The following SORCS1 variants were observed in gnomAD, a reference collection of about 807,000 sequenced individuals.
SORCS1 encodes the protein VPS10 domain-containing receptor SorCS1.
In SORCS1, 60 loss-of-function variants were observed where a neutral mutation model predicts 146.1. The ratio of observed to expected loss-of-function variants is 0.41; its 90% confidence interval spans 0.33 to 0.51. SORCS1 has a LOEUF of 0.51. SORCS1 is among the 20% of genes least tolerant of loss of function. The pLI, the probability that SORCS1 is intolerant of heterozygous loss-of-function variation, is 0.21. For missense variants in SORCS1, 1,352 were observed against 1,487.6 expected, an observed-to-expected ratio of 0.91 and a Z score of 1.50; for synonymous variants, 637 against 584.0, an observed-to-expected ratio of 1.09 and a Z score of -1.31.
intron 2 of SORCS1, among the ~76,000 whole-genome samples, chr10:106,926,898 G>T (rs1027756309): frequency 7.0e-6 from 1 of 143,040 alleles, no homozygotes; most frequent in Non-Finnish European, 1.5e-5. Flanking sequence ...GAGAGAGAGA[G>T]AATGACAAAT....
intron 2 of SORCS1, among the ~76,000 whole-genome samples, chr10:106,830,537 C>T (rs1052938533): frequency 2.0e-5 from 3 of 151,164 alleles, no homozygotes; most frequent in African/African-American, 7.3e-5. Context: ...TCGCCTAGGC[C>T]CCATGTTGCT....
intron 3 of SORCS1, among the ~76,000 whole-genome samples, chr10:106,810,943 C>CT (rs879573301): frequency 0.041 from 5,833 of 141,338 alleles, 297 homozygotes; most frequent in African/African-American, 0.11. Context: ...GGTATAATTT[C>CT]TTTTTTTTTT....
chr10:107,143,214 T>G (rs150291717), intron 1 of SORCS1, among the ~76,000 whole-genome samples: 106 of 152,364 alleles, frequency 7.0e-4, no homozygotes, highest in African/African-American at 2.5e-3. Flanking sequence ...CTCCCTTTTT[T>G]CTATGTTTCA....
chr10:106,612,345 C>A (rs1250915233), intron 21 of SORCS1, among the ~76,000 whole-genome samples: 4 of 118,994 alleles, frequency 3.4e-5, no homozygotes, highest in Non-Finnish European at 6.9e-5. Context: ...GGCCCCCCTT[C>A]CCCCCTTCTC....
chr10:106,721,150 A>C (rs1214635398), intron 6 of SORCS1, among the ~76,000 whole-genome samples: 1 of 151,974 alleles, frequency 6.6e-6, no homozygotes, highest in Admixed American at 6.6e-5. Context: ...GATAGAAGAG[A>C]GGTGAGAATG....
intron 2 of SORCS1, among the ~76,000 whole-genome samples, chr10:106,836,889 T>C (rs1276384987): frequency 1.3e-5 from 2 of 152,166 alleles, no homozygotes; most frequent in Admixed American, 1.3e-4. Context: ...GATGCCTCAT[T>C]AAGATTAGCA....
intron 18 of SORCS1, among the ~76,000 whole-genome samples, chr10:106,644,109 C>A (rs1366225530): frequency 6.6e-6 from 1 of 151,924 alleles, no homozygotes; most frequent in Non-Finnish European, 1.5e-5. Context: ...TTTTTTTGCC[C>A]AAATACCTAG....
At chr10:106,944,037 A>G (rs191921865) in intron 2 of SORCS1, among the ~76,000 whole-genome samples, 2 of 151,332 alleles carry the variant, frequency 1.3e-5, no homozygotes, top group East Asian at 3.9e-4. Context: ...TCACCCCCAC[A>G]CTCTATATGT....
intron 1 of SORCS1, among the ~76,000 whole-genome samples, chr10:107,052,343 G>A (rs1325559440): frequency 6.6e-6 from 1 of 152,096 alleles, no homozygotes; most frequent in Non-Finnish European, 1.5e-5. Flanking sequence ...TGCATCTCAG[G>A]TAACTGAACC....
chr10:106,824,832 T>C (rs923523269), intron 3 of SORCS1, among the ~76,000 whole-genome samples: 2 of 152,146 alleles, frequency 1.3e-5, no homozygotes, highest in Non-Finnish European at 2.9e-5. Flanking sequence ...GGGTCCTCTT[T>C]ATAGAATGAA....
chr10:106,759,688 C>T (rs571457483), intron 5 of SORCS1, among the ~76,000 whole-genome samples: 1 of 152,266 alleles, frequency 6.6e-6, no homozygotes, highest in Non-Finnish European at 1.5e-5. Flanking sequence ...GGGGGATGAA[C>T]TGAGGCAGTT....
At chr10:107,010,950 T>C (rs569644299) in intron 1 of SORCS1, among the ~76,000 whole-genome samples, 1 of 152,138 alleles carries the variant, frequency 6.6e-6, no homozygotes, top group East Asian at 1.9e-4. Flanking sequence ...CACCAGAAAA[T>C]GCATAAGTCA....
At chr10:106,583,979 G>A (rs547731562) in intron 24 of SORCS1, among the ~76,000 whole-genome samples, 4 of 152,236 alleles carry the variant, frequency 2.6e-5, no homozygotes, top group Admixed American at 6.5e-5. Context: ...CTATGACCCC[G>A]AAACTTTCAA....
intron 1 of SORCS1, among the ~76,000 whole-genome samples, chr10:107,001,030 T>C (rs1017959070): frequency 6.6e-6 from 1 of 152,194 alleles, no homozygotes; most frequent in African/African-American, 2.4e-5. Flanking sequence ...TAAAAATGTT[T>C]TCCTAATGAC....
intron 1 of SORCS1, among the ~76,000 whole-genome samples, chr10:107,010,470 C>A (rs1429158273): frequency 6.6e-6 from 1 of 152,074 alleles, no homozygotes; most frequent in African/African-American, 2.4e-5. Context: ...TGAGTTCTTC[C>A]ATTTTATGGA....
intron 1 of SORCS1, among the ~76,000 whole-genome samples, chr10:107,107,196 T>C (rs985444574): frequency 6.6e-6 from 1 of 152,188 alleles, no homozygotes; most frequent in Non-Finnish European, 1.5e-5. Flanking sequence ...CCTACATTGC[T>C]GTAAAGAACC....
At chr10:107,090,771 A>G (rs1447112743) in intron 1 of SORCS1, among the ~76,000 whole-genome samples, 1 of 152,204 alleles carries the variant, frequency 6.6e-6, no homozygotes, top group Non-Finnish European at 1.5e-5. Flanking sequence ...TGATAAGCAG[A>G]TTTCTGAAAG....
At chr10:106,825,327 A>G (rs963794314) in intron 3 of SORCS1, among the ~76,000 whole-genome samples, 3 of 140,954 alleles carry the variant, frequency 2.1e-5, no homozygotes, top group African/African-American at 8.1e-5. Flanking sequence ...GCTGGAGTGC[A>G]GTGGCGCGAT....
intron 19 of SORCS1, among the ~76,000 whole-genome samples, chr10:106,627,316 G>C (rs924578818): frequency 6.6e-6 from 1 of 152,172 alleles, no homozygotes; most frequent in Admixed American, 6.5e-5. Flanking sequence ...CATGTGATTG[G>C]ACTACGGTAG....
Sources: gnomAD v4.1 joint callset for allele counts (sites outside exome capture counted in the v4.1 genomes callset) on GRCh38, gnomAD v4.1.1 for gene constraint, MANE v1.5 for transcripts, NCBI Gene and HGNC (gene_info 2026-07-23, HGNC 2026-07-21) for gene names.